Variants in LRRC72 observed in about 807,000 individuals in gnomAD.
The protein encoded by LRRC72 is leucine rich repeat containing 72, also known as leucine-rich repeat-containing protein 72.
A neutral mutation model predicts 35.8 loss-of-function variants in LRRC72; 41 were observed. The ratio of observed to expected loss-of-function variants is 1.15; its 90% CI spans 0.89 to 1.49. LRRC72 has a LOEUF of 1.49. LRRC72 is among the 40% of genes most tolerant of loss of function. The pLI is 0.00. For missense variants in LRRC72, 389 were observed against 330.7 expected, an observed-to-expected ratio of 1.18 and a Z score of -1.37; for synonymous variants, 118 against 119.2, an observed-to-expected ratio of 0.99 and a Z score of 0.07.
At chr7:16,551,227 C>T (rs1017246173) in intron 3 of LRRC72, among the ~76,000 whole-genome samples, 4 of 152,108 alleles carry the variant, frequency 2.6e-5, no homozygotes, top group Non-Finnish European at 4.4e-5. Flanking sequence ...TGGCCACCTA[C>T]GAGCCAATAA....
chr7:16,530,632 A>G (rs1204939611), intron 1 of LRRC72: 3 of 152,240 alleles, frequency 2.0e-5, no homozygotes, highest in Non-Finnish European at 2.9e-5. Flanking sequence ...TTTAACCTGC[A>G]TTCCAATTAG....
At chr7:16,541,425 G>A (rs958738419) in intron 3 of LRRC72, among the ~76,000 whole-genome samples, 1 of 152,118 alleles carries the variant, frequency 6.6e-6, no homozygotes, top group African/African-American at 2.4e-5. Context: ...TTCATTCTTA[G>A]TCTTTTTAAA....
chr7:16,574,184 G>C (rs1782997829), intron 7 of LRRC72, among the ~76,000 whole-genome samples: 1 of 152,144 alleles, frequency 6.6e-6, no homozygotes, highest in Non-Finnish European at 1.5e-5. Context: ...AAATAGTAAT[G>C]CTTTTACACT....
In LRRC72 at chr7:16,575,227, A is replaced by G. The variant is rs145324046; in HGVS notation, c.671-4847A>G. On this transcript the variant is annotated intron_variant, in intron 7 of 8. Transcript: ENST00000401542. ...AGGGCTGTGTGATAGGCCATCGGTC[A>G]CTCATATTTGGCTCAGAATAAATCC... Among the ~76,000 whole-genome samples, 21 of 152,310 alleles carry G rather than the reference A, an allele frequency of 1.4e-4. No homozygotes were observed. The East Asian group carries it at 3.9e-3, about 28-fold the overall frequency.
At position 16,567,552 on chromosome 7, in the gene LRRC72, T is replaced by TGA; in HGVS notation, c.670+9_670+10insGA. On this transcript the variant is annotated intron_variant, in intron 7 of 8. Coordinates refer to ENST00000401542, the MANE Select transcript of LRRC72 (RefSeq NM_001195280.2). ...CCAGAGAGTACCTTCAGGTATTTCG[T>TGA]AAAAAAAAAAAAAAAAACAAATTTA... The TGA allele has an allele frequency of 1.8e-6, 2 of 1,091,612 alleles. No individual in the cohort carries two copies. The highest frequency in any genetic ancestry group is 4.5e-5 in the Admixed American group (1 of 22,080). 67.6% of individuals were successfully genotyped at this position (1,091,612 alleles called of 1,614,324 possible). A position where few individuals can be genotyped will look rare whatever the true frequency, so the allele number is the denominator to read the frequency against.
chr7:16,532,765 T>A, intron 2 of LRRC72, 197 bp downstream of exon 2: 1 of 624,628 alleles, frequency 1.6e-6, no homozygotes, highest in Non-Finnish European at 3.0e-6. Flanking sequence ...AAAAAAAAAA[T>A]TATGGAGACA....
At chr7:16,569,714 G>GGGAAA (rs1376639399) in intron 7 of LRRC72, among the ~76,000 whole-genome samples, 2 of 151,672 alleles carry the variant, frequency 1.3e-5, no homozygotes, top group African/African-American at 4.8e-5. Flanking sequence ...AGGAAGGGAA[G>GGGAAA]GGAAGGGAAG....
At chr7:16,553,581 GC>G (rs1323676325) in intron 3 of LRRC72, among the ~76,000 whole-genome samples, 4 of 152,090 alleles carry the variant, frequency 2.6e-5, no homozygotes, top group Non-Finnish European at 5.9e-5. Flanking sequence ...GAGTGTTTTT[GC>G]CTCCCAGGGG....
chr7:16,569,974 GA>G (rs1782914258), intron 7 of LRRC72, among the ~76,000 whole-genome samples: 1 of 151,612 alleles, frequency 6.6e-6, no homozygotes. Flanking sequence ...AGGTTGCAGC[GA>G]GCCGAGATCA....
chr7:16,581,213 A>G, intron 8 of LRRC72, 111 bp from the exon 9 acceptor site: 1 of 1,005,372 alleles, frequency 9.9e-7, no homozygotes, highest in Non-Finnish European at 1.4e-6. Flanking sequence ...GTACTATACT[A>G]CAAATAACAC....
At chr7:16,567,597 A>G in intron 7 of LRRC72, 54 bp downstream of exon 7, 1 of 1,303,930 alleles carries the variant, frequency 7.7e-7, no homozygotes, top group Non-Finnish European at 1.0e-6. Flanking sequence ...AAACTCCTCA[A>G]ACTTTTGGGT....
At chr7:16,575,844 C>G (rs1583655146) in intron 7 of LRRC72, among the ~76,000 whole-genome samples, 1 of 152,266 alleles carries the variant, frequency 6.6e-6, no homozygotes, top group African/African-American at 2.4e-5. Context: ...ACAAACAATG[C>G]AAGGTCAGCC....
intron 7 of LRRC72, among the ~76,000 whole-genome samples, chr7:16,577,087 C>T (rs1458608849): frequency 1.3e-5 from 2 of 152,094 alleles, no homozygotes; most frequent in African/African-American, 4.8e-5. Context: ...ATCAGGCACA[C>T]CCAGAAGAGT....
intron 7 of LRRC72, among the ~76,000 whole-genome samples, chr7:16,569,923 A>G (rs2528479): frequency 0.68 from 102,547 of 151,824 alleles, 36,402 homozygotes; most frequent in African/African-American, 0.9. Context: ...CCAGCTACTT[A>G]GGAGGCTGAG....
chr7:16,566,505 T>A (rs2128338169), intron 6 of LRRC72, 103 bp downstream of exon 6: 1 of 593,692 alleles, frequency 1.7e-6, no homozygotes, highest in African/African-American at 1.9e-5. Flanking sequence ...TTGTAAAAAA[T>A]ATATCTTTGA....
intron 1 of LRRC72, among the ~76,000 whole-genome samples, chr7:16,531,525 A>G (rs1314840630): frequency 1.3e-5 from 2 of 152,226 alleles, no homozygotes; most frequent in African/African-American, 4.8e-5. Context: ...TCAAAATTTC[A>G]TATATCACCC....
At chr7:16,579,225 C>T (rs1262074059) in intron 7 of LRRC72, among the ~76,000 whole-genome samples, 1 of 152,112 alleles carries the variant, frequency 6.6e-6, no homozygotes, top group Non-Finnish European at 1.5e-5. Flanking sequence ...AGTCGTACAC[C>T]TTAAATATAT....
Position 16,566,406 on chromosome 7 carries a change from A to G in LRRC72, c.517+4A>G. ...GTGGAGCTGCTTGACCGAAATCGTA[A>G]GGACCCTTCCTTCTTGCAAAGAAAT... is the stretch of plus-strand genomic sequence containing the variant. On this transcript the variant is annotated splice_donor_region_variant and intron_variant, in intron 6 of 8. Coordinates refer to ENST00000401542, the MANE Select transcript of LRRC72 (RefSeq NM_001195280.2). 6.5e-7 allele frequency: 1 copy of G among 1,532,544 alleles called. No individual in the cohort carries two copies. Among genetic ancestry groups the G allele is most frequent in the South Asian group, 1.2e-5 (1 of 80,638 alleles). The allele number at this position is 1,532,544 out of a possible 1,614,324, so 94.9% of individuals were successfully genotyped here.
At chr7:16,577,375 T>C (rs150359574) in intron 7 of LRRC72, among the ~76,000 whole-genome samples, 16 of 152,236 alleles carry the variant, frequency 1.1e-4, no homozygotes, top group African/African-American at 3.6e-4. Flanking sequence ...AGATACCATA[T>C]ACAAAAATAG....
Sources: allele counts gnomAD v4.1 joint callset (sites outside exome capture counted in the v4.1 genomes callset), GRCh38; gene constraint gnomAD v4.1.1; transcripts MANE v1.5; gene names NCBI Gene and HGNC (gene_info 2026-07-23, HGNC 2026-07-21).